The following NR4A1 variants were observed in gnomAD, a reference collection of about 807,000 sequenced individuals.
The protein encoded by NR4A1 is nuclear receptor subfamily 4immunitygroup A member 1.
NR4A1 carries 24 observed loss-of-function variants against 47.5 expected under a neutral mutation model. The ratio of observed to expected loss-of-function variants is 0.50; its 90% CI spans 0.37 to 0.71. The LOEUF is 0.71. Among genes scored for constraint, NR4A1 ranks in the 30% least tolerant of loss-of-function variants. The pLI is 0.00. For synonymous variants in NR4A1, 353 were observed against 345.7 expected, an observed-to-expected ratio of 1.02 and a Z score of -0.24; for missense variants, 669 against 788.6, an observed-to-expected ratio of 0.85 and a Z score of 1.82.
intron 1 of NR4A1, among the ~76,000 whole-genome samples, 186 bp downstream of exon 1, chr12:52,051,754 A>T (rs1938964921): frequency 6.6e-6 from 1 of 152,160 alleles, no homozygotes; most frequent in Non-Finnish European, 1.5e-5. Context: ...GGTAGGAGGT[A>T]GGGGAGGTTG....
At chr12:52,055,804 G>A in intron 2 of NR4A1, 1 of 440,480 alleles carries the variant, frequency 2.3e-6, no homozygotes. Flanking sequence ...TGTGTCCTGG[G>A]GACTTCCTCA....
chr12:52,034,878 C>A (rs1290111380), intron 1 of NR4A1, among the ~76,000 whole-genome samples: 3 of 152,202 alleles, frequency 2.0e-5, no homozygotes, highest in East Asian at 1.9e-4. Flanking sequence ...ATGGAAATGG[C>A]AGATCTGCCA....
chr12:52,036,087 C>A (rs942784636), intron 1 of NR4A1, among the ~76,000 whole-genome samples: 4 of 152,296 alleles, frequency 2.6e-5, no homozygotes, highest in African/African-American at 9.6e-5. Flanking sequence ...GAGATGGTAA[C>A]CCCCAACCCC....
rs767458175 is a variant in NR4A1 at position 52,058,870 on chromosome 12, T to C, written c.1723T>C (p.Tyr575His). Residue 575 changes from tyrosine (Y) to histidine (H), a missense_variant, in exon 7 of 7, where the codon TAC becomes CAC. Coordinates refer to ENST00000394825, the MANE Select transcript of NR4A1 (RefSeq NM_173157.3). ...CACCCAGGGCCTGCAGCGCATCTTC[T>C]ACCTCAAGCTGGAGGACTTGGTGCC... is the stretch of plus-strand genomic sequence containing the variant. ...LCTQGLQRIF[Y>H]LKLEDLVPPP... 6.2e-7 allele frequency: 1 copy of C among 1,614,102 alleles called. No homozygotes were observed.
intron 1 of NR4A1, chr12:52,038,852 A>G: frequency 1.4e-6 from 1 of 695,446 alleles, no homozygotes. Context: ...TGAGGAGTTC[A>G]GGCCCTGTGC....
intron 2 of NR4A1, chr12:52,045,546 T>C (rs1938600579): frequency 2.2e-6 from 1 of 452,716 alleles, no homozygotes; most frequent in South Asian, 1.6e-5. Flanking sequence ...AGCCTCTCCT[T>C]TCCATTGTGA....
In NR4A1 at chr12:52,056,022, C is replaced by G. The variant is rs746757963; in HGVS notation, c.877-8C>G. The G allele has an allele frequency of 2.0e-6, 3 of 1,479,702 alleles. No homozygotes were observed. Among genetic ancestry groups the G allele is most frequent in the Non-Finnish European group, 2.7e-6 (3 of 1,111,314 alleles). 91.7% of individuals were successfully genotyped at this position (1,479,702 alleles called of 1,614,324 possible). ...TGACAGCTTGTTCCGTGTTGCCCCCCCACCCAGCGCACAGTGCAGAAAAAC... is the reference window on the plus strand; with the variant it reads ...TGACAGCTTGTTCCGTGTTGCCCCCGCACCCAGCGCACAGTGCAGAAAAAC... On this transcript the variant is annotated splice_polypyrimidine_tract_variant and splice_region_variant and intron_variant, in intron 2 of 6. Transcript: ENST00000394825.
At chr12:52,045,539 C>A (rs772736419) in intron 2 of NR4A1, 9 of 452,794 alleles carry the variant, frequency 2.0e-5, no homozygotes, top group African/African-American at 4.0e-5. Flanking sequence ...GATGTGGAGC[C>A]TCTCCTTTCC....
chr12:52,057,756 G>C (rs921900110), intron 6 of NR4A1, among the ~76,000 whole-genome samples: 4 of 152,242 alleles, frequency 2.6e-5, no homozygotes, highest in Admixed American at 2.6e-4. Flanking sequence ...GTCCCAGACT[G>C]TCAGGATCCA....
chr12:52,038,202 C>G (rs1293006571), intron 1 of NR4A1: 1 of 418,248 alleles, frequency 2.4e-6, no homozygotes, highest in Non-Finnish European at 3.2e-6. Context: ...GTAGCTGGGA[C>G]TACAGGCACC....
At chr12:52,046,977 C>T (rs1020434746), upstream of NR4A1, among the ~76,000 whole-genome samples, 2 of 151,966 alleles carry the variant, frequency 1.3e-5, no homozygotes, top group Non-Finnish European at 2.9e-5. Flanking sequence ...TATATGGGGT[C>T]GGTGGGGAAC....
At chr12:52,034,639 A>G (rs1490312307) in intron 1 of NR4A1, among the ~76,000 whole-genome samples, 2 of 152,324 alleles carry the variant, frequency 1.3e-5, no homozygotes, top group African/African-American at 4.8e-5. Flanking sequence ...GACCAGGGCT[A>G]TGGTTCTGGC....
chr12:52,051,298 C>T (rs1018939556), upstream of NR4A1: 22 of 565,976 alleles, frequency 3.9e-5, no homozygotes, highest in Admixed American at 6.3e-5. Context: ...GGCCGCACCT[C>T]CCCCTGGCCG....
chr12:52,051,572 G>A lies in NR4A1; in HGVS notation c.-3+4G>A, dbSNP rs1410900199. 2 of 985,728 alleles carry A rather than the reference G, an allele frequency of 2.0e-6. No homozygotes were observed. Among genetic ancestry groups the A allele is most frequent in the Non-Finnish European group, 2.4e-6 (2 of 830,220 alleles). The allele number at this position is 985,728 out of a possible 1,614,324, so 61.1% of individuals were successfully genotyped here. The stretch of plus-strand genomic sequence containing the variant: ...AGGGGCAGCGGGAGCCGGCCGGGTA[G>A]GTTCCCTTCGGGGAACGTGCATCTG... On this transcript the variant is annotated splice_donor_region_variant and intron_variant, in intron 1 of 6. Transcript: ENST00000394825.
intron 1 of NR4A1, among the ~76,000 whole-genome samples, chr12:52,031,411 C>G (rs1028707693): frequency 6.6e-6 from 1 of 151,682 alleles, no homozygotes; most frequent in African/African-American, 2.4e-5. Flanking sequence ...CCGAGGCGGG[C>G]AGATCACATG....
Position 52,058,598 on chromosome 12 carries a change from C to G in NR4A1, c.1541-90C>G, listed in dbSNP as rs1418311559. 5.6e-6 allele frequency: 8 copies of G among 1,419,644 alleles called. No individual in the cohort carries two copies. The East Asian group carries it at 1.8e-4, about 32-fold the overall frequency. 87.9% of individuals were successfully genotyped at this position (1,419,644 alleles called of 1,614,324 possible). On this transcript the variant is annotated intron_variant, in intron 6 of 6. Transcript: ENST00000394825. ...GTGCCAGCAGAGCATGAGGGGTGGT[C>G]AGGGGCAGCAGTTTTAGGGGCCTGG...
chr12:52,032,647 G>A (rs928179821), intron 1 of NR4A1, among the ~76,000 whole-genome samples: 1 of 152,168 alleles, frequency 6.6e-6, no homozygotes, highest in African/African-American at 2.4e-5. Flanking sequence ...TGTTTCCAGT[G>A]AGAGGGCTGG....
rs1276667959 is a variant in NR4A1 at position 52,058,780 on chromosome 12, G to A, written c.1633G>A (p.Glu545Lys). 5.0e-6 allele frequency: 8 copies of A among 1,610,690 alleles called. No individual in the cohort carries two copies. The highest frequency in any genetic ancestry group is 4.4e-5 in the South Asian group (4 of 91,016). ...LKEHVAAVAG[E>K]PQPASCLSRL... Reference sequence around the variant, plus strand: ...GGAGCACGTGGCAGCTGTGGCGGGCGAGCCCCAGCCAGCCAGCTGCCTGTC... The same window carrying A: ...GGAGCACGTGGCAGCTGTGGCGGGCAAGCCCCAGCCAGCCAGCTGCCTGTC... Residue 545 changes from glutamate (E) to lysine (K), a missense_variant, in exon 7 of 7, where the codon GAG becomes AAG. Transcript: ENST00000394825.
intron 1 of NR4A1, 80 bp from the exon 2 acceptor site, chr12:52,054,247 G>A: frequency 1.6e-6 from 2 of 1,262,464 alleles, no homozygotes; most frequent in Non-Finnish European, 2.2e-6. Flanking sequence ...GCTGCTCTGG[G>A]GCCCAAATAC....
Sources: allele counts gnomAD v4.1 joint callset (sites outside exome capture counted in the v4.1 genomes callset), GRCh38; gene constraint gnomAD v4.1.1; transcripts MANE v1.5; gene names NCBI Gene and HGNC (gene_info 2026-07-23, HGNC 2026-07-21).